Variants in TMEM117 observed in about 807,000 individuals in gnomAD.
The protein encoded by TMEM117 is transmembrane protein 117.
A neutral mutation model predicts 52.4 loss-of-function variants in TMEM117; 27 were observed. That is an observed-to-expected ratio of 0.51 (90% CI 0.38 to 0.71). The LOEUF (loss-of-function observed/expected upper bound fraction) is 0.71, where lower values mean the gene tolerates loss of function less well. TMEM117 is among the 30% of genes least tolerant of loss of function. TMEM117 has a pLI of 0.00. For missense variants in TMEM117, 556 were observed against 630.5 expected (o/e 0.88, Z 1.26); for synonymous variants, 215 against 206.3 (o/e 1.04, Z -0.36).
At chr12:44,390,514 A>G (rs1952156058), downstream of TMEM117, among the ~76,000 whole-genome samples, 1 of 152,160 alleles carries the variant, frequency 6.6e-6, no homozygotes, top group Non-Finnish European at 1.5e-5. Context: ...GAATTTTTAC[A>G]TGGGTATTAA....
chr12:44,282,783 TC>T (rs576664889), intron 5 of TMEM117, among the ~76,000 whole-genome samples: 17 of 152,190 alleles, frequency 1.1e-4, no homozygotes, highest in Non-Finnish European at 2.1e-4. Flanking sequence ...CTAATGTGAA[TC>T]CCCAAGACCA....
chr12:44,315,763 A>T (rs1015311697), intron 6 of TMEM117, among the ~76,000 whole-genome samples: 7 of 152,164 alleles, frequency 4.6e-5, no homozygotes, highest in African/African-American at 1.7e-4. Flanking sequence ...TATACTTAGG[A>T]TTATTAAATC....
intron 3 of TMEM117, among the ~76,000 whole-genome samples, chr12:43,981,752 T>C (rs1945764068): frequency 6.6e-6 from 1 of 151,982 alleles, no homozygotes; most frequent in Non-Finnish European, 1.5e-5. Flanking sequence ...ACTACAAAAA[T>C]TACCTTTTCA....
chr12:44,390,340 G>T (rs1277347796), downstream of TMEM117, among the ~76,000 whole-genome samples: 2 of 151,976 alleles, frequency 1.3e-5, no homozygotes, highest in Non-Finnish European at 2.9e-5. Context: ...AATTTTGGCA[G>T]CCTAGAACAT....
chr12:44,388,026 G>T lies in TMEM117; in HGVS notation c.899G>T (p.Gly300Val). Residue 300 changes from glycine to valine, a missense_variant and splice_region_variant, in exon 8 of 8, where the codon GGC (glycine) becomes GTC (valine). By Grantham distance (109) the Gly-to-Val change is moderately radical (BLOSUM62 -3). Around this residue, in one of 3 missense-constraint regions of TMEM117, gnomAD observed 328 missense variants for 371.4 expected, o/e 0.88. Transcript: ENST00000266534. ...FKEEYRIHITGKWFNYGIIFL... is the reference protein window; with the variant it reads ...FKEEYRIHITVKWFNYGIIFL... ...ATGCAGTATTTCTTTTTTAATGCAG[G>T]CAAATGGTTTAACTATGGAATTATC... 6.2e-7 allele frequency: 1 copy of T among 1,600,090 alleles called. No individual in the cohort carries two copies. Among genetic ancestry groups the T allele is most frequent in the Non-Finnish European group, 8.5e-7 (1 of 1,173,718 alleles).
chr12:44,253,782 C>A (rs1950222396), intron 5 of TMEM117, among the ~76,000 whole-genome samples: 1 of 149,338 alleles, frequency 6.7e-6, no homozygotes, highest in African/African-American at 2.5e-5. Context: ...AGTTATAAAT[C>A]CAATGTGACT....
intron 7 of TMEM117, among the ~76,000 whole-genome samples, chr12:44,386,378 T>C (rs1355309781): frequency 6.6e-6 from 1 of 152,186 alleles, no homozygotes; most frequent in East Asian, 1.9e-4. Flanking sequence ...TGAGACAACA[T>C]TCCCAATGTT....
At chr12:44,329,510 A>G (rs1951239587) in intron 6 of TMEM117, among the ~76,000 whole-genome samples, 1 of 152,116 alleles carries the variant, frequency 6.6e-6, no homozygotes, top group Non-Finnish European at 1.5e-5. Context: ...TAGTGTTGAC[A>G]TCTATCACAA....
At chr12:43,905,048 C>T (rs1450472030) in intron 2 of TMEM117, among the ~76,000 whole-genome samples, 1 of 151,876 alleles carries the variant, frequency 6.6e-6, no homozygotes, top group Non-Finnish European at 1.5e-5. Context: ...GAGGCTGAGG[C>T]AGGAGGATTG....
chr12:44,201,833 A>G (rs1167224751), intron 4 of TMEM117, among the ~76,000 whole-genome samples: 2 of 152,178 alleles, frequency 1.3e-5, no homozygotes, highest in East Asian at 3.8e-4. Context: ...ATAACACCCA[A>G]TTATAAAGCA....
intron 2 of TMEM117, among the ~76,000 whole-genome samples, chr12:43,869,822 G>A (rs1211616899): frequency 6.6e-6 from 1 of 152,148 alleles, no homozygotes. Context: ...ATTGGTAAAT[G>A]TGTGCCATGG....
the TMEM117 span, chr12:43,802,197 T>C: frequency 2.4e-6 from 2 of 829,644 alleles, no homozygotes; most frequent in Non-Finnish European, 3.6e-6. Context: ...GGGAAATAAT[T>C]ATTGTTTTTT....
intron 2 of TMEM117, among the ~76,000 whole-genome samples, chr12:43,891,059 C>T (rs1340773049): frequency 6.6e-6 from 1 of 152,134 alleles, no homozygotes; most frequent in Non-Finnish European, 1.5e-5. Flanking sequence ...TCCTCCTCCA[C>T]ACCCACTAGC....
chr12:44,016,971 T>A (rs116336077), intron 3 of TMEM117, among the ~76,000 whole-genome samples: 1,599 of 152,326 alleles, frequency 0.01, 31 homozygotes, highest in African/African-American at 0.035. Flanking sequence ...AGTCCCTCCA[T>A]CCTTAAGCCT....
intron 6 of TMEM117, among the ~76,000 whole-genome samples, chr12:44,332,430 C>T (rs1398235845): frequency 6.6e-6 from 1 of 151,966 alleles, no homozygotes; most frequent in Non-Finnish European, 1.5e-5. Context: ...AAAAGAAAAC[C>T]AAGTGGGCTT....
At chr12:44,050,558 G>T (rs977546312) in intron 3 of TMEM117, among the ~76,000 whole-genome samples, 2 of 152,176 alleles carry the variant, frequency 1.3e-5, no homozygotes, top group Non-Finnish European at 2.9e-5. Context: ...ATATGGAGAT[G>T]AATCTCTTTC....
intron 3 of TMEM117, among the ~76,000 whole-genome samples, chr12:44,036,281 G>A (rs955998556): frequency 6.6e-5 from 10 of 152,208 alleles, no homozygotes; most frequent in Admixed American, 2.6e-4. Flanking sequence ...AATAGTGAAA[G>A]GAACAGTTTT....
chr12:44,143,448 G>C, intron 3 of TMEM117, 77 bp from the exon 4 acceptor site: 1 of 1,049,286 alleles, frequency 9.5e-7, no homozygotes, highest in Non-Finnish European at 1.4e-6. Context: ...AAGTCCCTTT[G>C]CCTGTTGCTG....
chr12:44,380,420 T>C (rs1469629635), intron 7 of TMEM117, among the ~76,000 whole-genome samples: 1 of 152,194 alleles, frequency 6.6e-6, no homozygotes, highest in Non-Finnish European at 1.5e-5. Flanking sequence ...GGACAAGGAC[T>C]GTGAAAGGTC....
Sources: gnomAD v4.1 joint callset for allele counts (sites outside exome capture counted in the v4.1 genomes callset) on GRCh38, gnomAD v4.1.1 for gene constraint, gnomAD v4.1.1 regional missense constraint, MANE v1.5 for transcripts, NCBI Gene and HGNC (gene_info 2026-07-23, HGNC 2026-07-21) for gene names.